PEG3: variants seen among roughly 807,000 people sequenced by gnomAD.
PEG3 encodes paternally-expressed gene 3 protein.
In PEG3, 23 loss-of-function variants were observed where a neutral mutation model predicts 35.5. That is an observed-to-expected ratio of 0.65 (90% confidence interval 0.47 to 0.92). PEG3 has a LOEUF of 0.92. PEG3 is among the 40% of genes least tolerant of loss of function. The probability of loss-of-function intolerance (pLI) is 0.00; values close to 1 mark genes in which losing one functional copy is unlikely to be tolerated. For synonymous variants in PEG3, 707 were observed against 697.0 expected (o/e 1.01, Z -0.23); for missense variants, 1,960 against 1,985.3 (o/e 0.99, Z 0.24).
At chr19:56,824,046 G>C (rs569593199) in intron 4 of PEG3, among the ~76,000 whole-genome samples, 2 of 152,218 alleles carry the variant, frequency 1.3e-5, no homozygotes, top group Admixed American at 6.5e-5. Context: ...AGGTTTTGGC[G>C]ACCAGGGGAT....
In PEG3 at chr19:56,816,575, T is replaced by C; in HGVS notation, c.1867A>G (p.Lys623Glu). 1 of 1,614,068 alleles carries C rather than the reference T, an allele frequency of 6.2e-7. No individual in the cohort carries two copies. Among genetic ancestry groups the C allele is most frequent in the Non-Finnish European group, 8.5e-7 (1 of 1,179,962 alleles). Residue 623 changes from lysine (K) to glutamate (E), a missense_variant, in exon 10 of 10, where the codon AAA (lysine) becomes GAA (glutamate). Coordinates refer to ENST00000326441, the MANE Select transcript of PEG3 (RefSeq NM_006210.3). ...ALNEFQKMYG[K>E]EKMYECKVCG... The stretch of plus-strand genomic sequence containing the variant: ...ACCTTACATTCGTACATTTTCTCTT[T>C]ACCATACATTTTCTGAAACTCATTA...
chr19:56,836,756 G>T (rs1287523431), intron 1 of PEG3, among the ~76,000 whole-genome samples: 1 of 152,140 alleles, frequency 6.6e-6, no homozygotes, highest in Non-Finnish European at 1.5e-5. Flanking sequence ...ATCACCTGAG[G>T]TCAGGAGTTC....
In PEG3 at chr19:56,813,523, C is replaced by CT; in HGVS notation, c.*151dup. On this transcript the variant is annotated 3_prime_UTR_variant, in exon 10 of 10. Transcript: ENST00000326441. ...ACTGTGGAATCTGCACATTCGGTCT[C>CT]TTTTCAATCTGAGTTTAGAGATGTT... The CT allele has an allele frequency of 7.0e-7, 1 of 1,438,376 alleles. No individual in the cohort carries two copies. The highest frequency in any genetic ancestry group is 2.5e-5 in the East Asian group (1 of 39,816). 89.1% of individuals were successfully genotyped at this position (1,438,376 alleles called of 1,614,324 possible).
chr19:56,838,073 G>A (rs1007368110), intron 1 of PEG3, among the ~76,000 whole-genome samples: 2 of 152,128 alleles, frequency 1.3e-5, no homozygotes, highest in Non-Finnish European at 2.9e-5. Flanking sequence ...ACAGTACACC[G>A]TGGCTGCCAC....
intron 8 of PEG3, 74 bp from the exon 9 acceptor site, chr19:56,817,909 T>C: frequency 8.1e-7 from 1 of 1,231,630 alleles, no homozygotes; most frequent in Non-Finnish European, 1.2e-6. Context: ...AAATTGATCT[T>C]CATCTTTCAC....
intron 2 of PEG3, among the ~76,000 whole-genome samples, chr19:56,827,796 TAG>T (rs1310431072): frequency 1.3e-5 from 2 of 152,250 alleles, no homozygotes; most frequent in East Asian, 3.9e-4. Context: ...ATCTCCAAGA[TAG>T]TTAAGTGCAA....
At chr19:56,829,431 G>C (rs2061374950) in intron 2 of PEG3, among the ~76,000 whole-genome samples, 1 of 151,882 alleles carries the variant, frequency 6.6e-6, no homozygotes, top group Admixed American at 6.6e-5. Context: ...GTAAAACCTT[G>C]AACACAAAAT....
In PEG3 at chr19:56,823,826, C is replaced by T. The variant is rs1348055578; in HGVS notation, c.395-147G>A. 22 of 960,008 alleles carry T rather than the reference C, an allele frequency of 2.3e-5. No homozygotes were observed. The East Asian group carries it at 2.3e-4, about 10-fold the overall frequency. 59.5% of individuals were successfully genotyped at this position (960,008 alleles called of 1,614,324 possible). ...CATTTCTGAGTTCAAAACCCTTCAGCGGCTTCCAACCACTCCTGGCATACT... is the reference window on the plus strand; with the variant it reads ...CATTTCTGAGTTCAAAACCCTTCAGTGGCTTCCAACCACTCCTGGCATACT... On this transcript the variant is annotated intron_variant, in intron 4 of 9. Transcript: ENST00000326441.
intron 2 of PEG3, 130 bp from the exon 3 acceptor site, chr19:56,826,593 C>T (rs1240613616): frequency 2.6e-5 from 4 of 152,150 alleles, no homozygotes; most frequent in Non-Finnish European, 4.4e-5. Context: ...TCTATACCTT[C>T]GGGGAAAGGC....
At chr19:56,828,549 C>G (rs1208798631) in intron 2 of PEG3, among the ~76,000 whole-genome samples, 1 of 152,104 alleles carries the variant, frequency 6.6e-6, no homozygotes, top group Non-Finnish European at 1.5e-5. Flanking sequence ...TGGCAGAGAC[C>G]ACTGAAAGGC....
intron 1 of PEG3, among the ~76,000 whole-genome samples, chr19:56,838,848 C>T (rs573362329): frequency 5.9e-5 from 9 of 152,314 alleles, no homozygotes; most frequent in African/African-American, 2.2e-4. Flanking sequence ...ACCGTGGCCC[C>T]GCCCCTCCCT....
At position 56,817,339 on chromosome 19, in the gene PEG3, C is replaced by T; in HGVS notation, c.1103G>A (p.Gly368Glu). ...ESVIQQRVYE[G>E]NAFRGGFRFN... ...CCTAAAGCCTCCCCTAAATGCATTC[C>T]CTTCATAAACCCGCTGCTGGATCAC... Residue 368 changes from glycine (G) to glutamate (E), a missense_variant, in exon 10 of 10, where the codon GGG (glycine) becomes GAG (glutamate). Physicochemically the swap from Gly to Glu is moderately conservative, Grantham distance 98. Around this residue, in one of 5 missense-constraint regions of PEG3, gnomAD observed 613 missense variants for 577.1 expected, o/e 1.06. Transcript: ENST00000326441. 1.2e-6 allele frequency: 2 copies of T among 1,614,058 alleles called. No homozygotes were observed. Among genetic ancestry groups the T allele is most frequent in the Non-Finnish European group, 1.7e-6 (2 of 1,179,944 alleles).
chr19:56,832,991 A>C (rs1012619126), intron 2 of PEG3, among the ~76,000 whole-genome samples: 2 of 152,222 alleles, frequency 1.3e-5, no homozygotes, highest in Non-Finnish European at 2.9e-5. Flanking sequence ...ATAAAGATGA[A>C]ACTCATCAGG....
rs368693431 is a variant in PEG3 at position 56,815,374 on chromosome 19, T to G, written c.3068A>C (p.Gln1023Pro). The change falls in exon 10 of 10, where the codon CAG (glutamine) becomes CCG (proline). Residue 1023 changes from glutamine to proline, a missense_variant. Transcript: ENST00000326441. ...TDPQTSYAQE[Q>P]YAKEQARNKC... is the part of the protein sequence containing the mutation. ...GTTCCGCGCTTGCTCTTTAGCATAC[T>G]GCTCTTGGGCGTAACTTGTTTGAGG... 4.8e-5 allele frequency: 77 copies of G among 1,614,250 alleles called. No individual in the cohort carries two copies. The African/African-American group carries it at 9.5e-4, about 20-fold the overall frequency.
At chr19:56,824,818 C>T in intron 3 of PEG3, 77 bp from the exon 4 acceptor site, 1 of 641,958 alleles carries the variant, frequency 1.6e-6, no homozygotes, top group Non-Finnish European at 2.7e-6. Flanking sequence ...TTACCAGAGG[C>T]ATCGACAATG....
intron 2 of PEG3, chr19:56,833,469 G>C (rs2061774353): frequency 3.4e-6 from 1 of 296,342 alleles, no homozygotes; most frequent in Non-Finnish European, 6.6e-6. Context: ...GTAAGATGCT[G>C]TCCCAGCCCA....
Position 56,810,340 on chromosome 19 carries a change from A to G in PEG3, c.*3335T>C. On this transcript the variant is annotated 3_prime_UTR_variant, in exon 10 of 10. Coordinates refer to ENST00000326441, the MANE Select transcript of PEG3 (RefSeq NM_006210.3). Reference sequence around the variant, plus strand: ...GGACTACCAAAACACTAGAATGATGACCTTTCAAGGAAACCGAAACAAAAT... The same window carrying G: ...GGACTACCAAAACACTAGAATGATGGCCTTTCAAGGAAACCGAAACAAAAT... The G allele has an allele frequency of 3.0e-6, 3 of 985,250 alleles. No homozygotes were observed. Among genetic ancestry groups the G allele is most frequent in the Non-Finnish European group, 3.6e-6 (3 of 829,752 alleles). 61.0% of individuals were successfully genotyped at this position (985,250 alleles called of 1,614,324 possible). A position where few individuals can be genotyped will look rare whatever the true frequency, so the allele number is the denominator to read the frequency against.
In PEG3 at chr19:56,835,386, A is replaced by G. The variant is rs561786185; in HGVS notation, c.-163+632T>C. 2.1e-3 allele frequency among the ~76,000 whole-genome samples: 314 copies of G among 152,166 alleles called. 4 individuals are homozygous for G. Among genetic ancestry groups the G allele is most frequent in the Admixed American group, 0.02 (311 of 15,284 alleles). On this transcript the variant is annotated intron_variant, in intron 2 of 9. Transcript: ENST00000326441. The stretch of plus-strand genomic sequence containing the variant: ...ACTCAACGATTCCCTTGCTCTAGGA[A>G]TCCTGGATTTTCAGCTCCTCTCTCT...
intron 5 of PEG3, 86 bp downstream of exon 5, chr19:56,823,507 T>C (rs1380463743): frequency 1.9e-6 from 3 of 1,539,694 alleles, no homozygotes; most frequent in Non-Finnish European, 1.8e-6. Context: ...GTCATCTTCA[T>C]GGAGGCCCCA....
Sources: gnomAD v4.1 joint callset for allele counts (sites outside exome capture counted in the v4.1 genomes callset) on GRCh38, gnomAD v4.1.1 for gene constraint, gnomAD v4.1.1 regional missense constraint, MANE v1.5 for transcripts, NCBI Gene and HGNC (gene_info 2026-07-23, HGNC 2026-07-21) for gene names.